Variants in CTNNA1 observed in about 807,000 individuals in gnomAD.
The protein encoded by CTNNA1 is catenin alpha 1.
Under a neutral mutation model 98.4 loss-of-function variants are expected in CTNNA1, and 37 were observed. That is an observed-to-expected ratio of 0.38 (90% CI 0.29 to 0.49). The LOEUF (loss-of-function observed/expected upper bound fraction) is 0.49, where lower values mean the gene tolerates loss of function less well. CTNNA1 is among the 20% of genes least tolerant of loss of function. The probability of loss-of-function intolerance (pLI) is 0.95; values close to 1 mark genes in which losing one functional copy is unlikely to be tolerated. For missense variants in CTNNA1, 761 were observed against 1,147.2 expected (o/e 0.66, Z 4.86); for synonymous variants, 404 against 413.2 (o/e 0.98, Z 0.27).
At chr5:138,778,815 A>G (rs2149639238) in intron 1 of CTNNA1, among the ~76,000 whole-genome samples, 1 of 152,292 alleles carries the variant, frequency 6.6e-6, no homozygotes, top group South Asian at 2.1e-4. Flanking sequence ...TGTTCTATCT[A>G]ATCTCCACTA....
chr5:138,844,368 A>T (rs1441467140), intron 7 of CTNNA1, among the ~76,000 whole-genome samples: 1 of 152,158 alleles, frequency 6.6e-6, no homozygotes, highest in African/African-American at 2.4e-5. Context: ...TGACTTTTAT[A>T]TAATTTAGTA....
chr5:138,776,841 G>A (rs1233523458), intron 1 of CTNNA1, among the ~76,000 whole-genome samples: 1 of 71,020 alleles, frequency 1.4e-5, no homozygotes, highest in African/African-American at 5.1e-5. Flanking sequence ...CGGCTGGCCG[G>A]GCGGGGGGGC....
chr5:138,790,613 A>G (rs1026152246), intron 3 of CTNNA1, among the ~76,000 whole-genome samples: 1 of 152,202 alleles, frequency 6.6e-6, no homozygotes, highest in African/African-American at 2.4e-5. Context: ...AAATTGAGAC[A>G]TGGCTCATTG....
In CTNNA1 at chr5:138,886,244, T is replaced by C. The variant is rs1753997802; in HGVS notation, c.1095T>C (p.Asn365=). 5 of 1,611,296 alleles carry C rather than the reference T, an allele frequency of 3.1e-6. No homozygotes were observed. The highest frequency in any genetic ancestry group is 8.5e-7 in the Non-Finnish European group (1 of 1,178,758). The change falls in exon 8 of 18, where the codon AAT becomes AAC. Residue 365 remains asparagine, a synonymous_variant. Transcript: ENST00000302763. ...AGRKERSDAL[N]SAIDKMTKKT... ...GTAAAGAAAGAAGTGATGCACTCAATTCTGCAATAGATAAAATGACCAAGA... is the reference window on the plus strand; with the variant it reads ...GTAAAGAAAGAAGTGATGCACTCAACTCTGCAATAGATAAAATGACCAAGA...
chr5:138,783,311 G>T lies in CTNNA1; in HGVS notation c.240G>T (p.Ala80=), dbSNP rs1059014. The T allele has an allele frequency of 1.9e-6, 3 of 1,614,102 alleles. No homozygotes were observed. Among genetic ancestry groups the T allele is most frequent in the Non-Finnish European group, 2.5e-6 (3 of 1,179,988 alleles). Residue 80 remains alanine (A), a synonymous_variant, in exon 3 of 18, where the codon GCG becomes GCT. Transcript: ENST00000302763. ...TCTTGGAGAAGGGGGATAAAATTGC[G>T]AAGGAGAGCCAGTTTCTCAAGGAGG... The part of the protein sequence containing the change: ...ENFLEKGDKI[A]KESQFLKEEL...
intron 3 of CTNNA1, among the ~76,000 whole-genome samples, chr5:138,805,917 T>G (rs1288160233): frequency 6.6e-6 from 1 of 152,034 alleles, no homozygotes; most frequent in Non-Finnish European, 1.5e-5. Flanking sequence ...AACTTACCTG[T>G]TTTTTGTTCT....
Position 138,819,016 on chromosome 5 carries a change from C to T in CTNNA1, c.589-5514C>T, listed in dbSNP as rs139965951. Among the ~76,000 whole-genome samples, 212 of 152,144 alleles carry T rather than the reference C, an allele frequency of 1.4e-3. 1 individual carries two copies. The highest frequency in any genetic ancestry group is 4.7e-3 in the African/African-American group (196 of 41,480). The stretch of plus-strand genomic sequence containing the variant: ...ACCCCAGTAGCTTTGGCCCAGGGGC[C>T]TAGGTTGAGGTTATGATTCTTTCCT... On this transcript the variant is annotated intron_variant, in intron 5 of 17. Coordinates refer to ENST00000302763, the MANE Select transcript of CTNNA1 (RefSeq NM_001903.5).
intron 7 of CTNNA1, among the ~76,000 whole-genome samples, chr5:138,835,667 T>A (rs1187818667): frequency 6.6e-6 from 1 of 152,184 alleles, no homozygotes; most frequent in Admixed American, 6.5e-5. Flanking sequence ...ATGTTTAAGG[T>A]ATACAAGGTG....
At chr5:138,809,664 G>A (rs1418524523) in intron 3 of CTNNA1, among the ~76,000 whole-genome samples, 1 of 152,132 alleles carries the variant, frequency 6.6e-6, no homozygotes, top group African/African-American at 2.4e-5. Flanking sequence ...CTATGGATGT[G>A]AGAGTAGATT....
At chr5:138,847,042 T>C (rs1762782252) in intron 7 of CTNNA1, among the ~76,000 whole-genome samples, 1 of 152,220 alleles carries the variant, frequency 6.6e-6, no homozygotes, top group African/African-American at 2.4e-5. Context: ...TTGGGTATTT[T>C]GGTTGAAATA....
At chr5:138,867,896 C>T (rs548460858) in intron 7 of CTNNA1, among the ~76,000 whole-genome samples, 74 of 152,084 alleles carry the variant, frequency 4.9e-4, no homozygotes, top group African/African-American at 1.7e-3. Flanking sequence ...GGATTACAGG[C>T]GCATACCAGG....
intron 3 of CTNNA1, among the ~76,000 whole-genome samples, chr5:138,798,505 A>G (rs996675651): frequency 3.3e-5 from 5 of 152,214 alleles, no homozygotes; most frequent in African/African-American, 1.2e-4. Context: ...TTTTTTATCC[A>G]TCACCCAAAT....
intron 1 of CTNNA1, among the ~76,000 whole-genome samples, chr5:138,757,333 A>G (rs1268854143): frequency 6.6e-6 from 1 of 152,148 alleles, no homozygotes; most frequent in Non-Finnish European, 1.5e-5. Flanking sequence ...GGGAAGATGA[A>G]AAAAGTTCTG....
At chr5:138,803,980 G>C (rs1370009465) in intron 3 of CTNNA1, among the ~76,000 whole-genome samples, 3 of 152,250 alleles carry the variant, frequency 2.0e-5, no homozygotes, top group African/African-American at 7.2e-5. Context: ...GAAGATTGCT[G>C]TTGAATAGGT....
At chr5:138,922,998 CT>C (rs1486148215) in intron 11 of CTNNA1, among the ~76,000 whole-genome samples, 5 of 126,020 alleles carry the variant, frequency 4.0e-5, no homozygotes, top group African/African-American at 1.6e-4. Flanking sequence ...GTTTGGGTCA[CT>C]TTTGAACGGA....
intron 9 of CTNNA1, among the ~76,000 whole-genome samples, chr5:138,899,085 CATAA>C (rs1391364220): frequency 6.6e-6 from 1 of 152,152 alleles, no homozygotes; most frequent in Non-Finnish European, 1.5e-5. Context: ...CTTCTGTTAA[CATAA>C]ATATATTTTT....
intron 1 of CTNNA1, among the ~76,000 whole-genome samples, chr5:138,757,995 T>C: frequency 6.6e-6 from 1 of 152,012 alleles, no homozygotes; most frequent in Non-Finnish European, 1.5e-5. Context: ...TGTAATATAT[T>C]CTTTTTTTCT....
rs1226274558 is a variant in CTNNA1, at chr5:138,934,599, A to G, written c.*510A>G. On this transcript the variant is annotated 3_prime_UTR_variant, in exon 18 of 18. Transcript: ENST00000302763. Reference sequence around the variant, plus strand: ...GGACAAACTCACTCAGTAAAACATAATGTATCATGAAGAAAACTGATTCTC... The same window carrying G: ...GGACAAACTCACTCAGTAAAACATAGTGTATCATGAAGAAAACTGATTCTC... 1 of 141,634 alleles carries G rather than the reference A, an allele frequency of 7.1e-6. No homozygotes were observed. The highest frequency in any genetic ancestry group is 1.6e-5 in the Non-Finnish European group (1 of 62,704). 8.8% of individuals were successfully genotyped at this position (141,634 alleles called of 1,614,324 possible).
At chr5:138,815,812 A>T (rs1759374124) in intron 5 of CTNNA1, among the ~76,000 whole-genome samples, 1 of 151,974 alleles carries the variant, frequency 6.6e-6, no homozygotes, top group Non-Finnish European at 1.5e-5. Context: ...AAGAGAATTC[A>T]CTGAGTAGAC....
Sources: allele counts gnomAD v4.1 joint callset (sites outside exome capture counted in the v4.1 genomes callset), GRCh38; gene constraint gnomAD v4.1.1; transcripts MANE v1.5; gene names NCBI Gene and HGNC (gene_info 2026-07-23, HGNC 2026-07-21).